Variants in CAMKMT observed in about 807,000 individuals in gnomAD.
CAMKMT encodes the protein calmodulin-lysine N-methyltransferase, also known as CaM KMT.
In CAMKMT, 53 loss-of-function variants were observed where a neutral mutation model predicts 48.0. The observed-to-expected ratio is 1.10, with a 90% CI of 0.89 to 1.39. The LOEUF is 1.39. Ranked by LOEUF, CAMKMT falls within the 40% of genes most tolerant of loss-of-function variation. CAMKMT has a pLI of 0.00. For synonymous variants in CAMKMT, 165 were observed against 152.3 expected, an observed-to-expected ratio of 1.08 and a Z score of -0.61; for missense variants, 428 against 402.7, an observed-to-expected ratio of 1.06 and a Z score of -0.54.
At chr2:44,625,995 C>G (rs1672458972) in intron 3 of CAMKMT, among the ~76,000 whole-genome samples, 1 of 151,980 alleles carries the variant, frequency 6.6e-6, no homozygotes, top group African/African-American at 2.4e-5. Flanking sequence ...ATTTTAGGTC[C>G]TTTGTATTTC....
intron 3 of CAMKMT, among the ~76,000 whole-genome samples, chr2:44,522,436 T>A (rs961266152): frequency 6.6e-6 from 1 of 152,208 alleles, no homozygotes; most frequent in Non-Finnish European, 1.5e-5. Context: ...TAATAAGCAC[T>A]TCTCTCTCTT....
chr2:44,534,936 A>T (rs1292783210), intron 3 of CAMKMT, among the ~76,000 whole-genome samples: 1 of 152,120 alleles, frequency 6.6e-6, no homozygotes, highest in Non-Finnish European at 1.5e-5. Flanking sequence ...GATCAGTGAA[A>T]TGAAAAGTTG....
At chr2:44,363,782 C>G (rs1226341088) in intron 1 of CAMKMT, among the ~76,000 whole-genome samples, 1 of 151,290 alleles carries the variant, frequency 6.6e-6, no homozygotes, top group East Asian at 1.9e-4. Flanking sequence ...CTCCGCCTCC[C>G]TGGTTCAAGC....
At chr2:44,542,537 ACT>A (rs796094902) in intron 3 of CAMKMT, among the ~76,000 whole-genome samples, 3,658 of 67,626 alleles carry the variant, frequency 0.054, 76 homozygotes, top group Middle Eastern at 0.14. Context: ...ACACACACAC[ACT>A]CTCTCTCTCT....
chr2:44,468,377 G>C (rs1434449450), intron 3 of CAMKMT, among the ~76,000 whole-genome samples: 2 of 152,168 alleles, frequency 1.3e-5, no homozygotes, highest in Non-Finnish European at 2.9e-5. Context: ...ATACAGAGAA[G>C]GGGGAGCTCA....
intron 2 of CAMKMT, among the ~76,000 whole-genome samples, chr2:44,384,414 C>T (rs555284199): frequency 1.2e-4 from 18 of 151,780 alleles, no homozygotes; most frequent in African/African-American, 2.4e-4. Flanking sequence ...GATTTTCTCC[C>T]ACTCTCTGGG....
intron 3 of CAMKMT, among the ~76,000 whole-genome samples, chr2:44,481,936 A>G (rs1181614056): frequency 1.3e-5 from 2 of 152,124 alleles, no homozygotes; most frequent in Non-Finnish European, 2.9e-5. Flanking sequence ...CTTGTAATTA[A>G]AAATTCTGTT....
chr2:44,513,969 G>A (rs981250766), intron 3 of CAMKMT, among the ~76,000 whole-genome samples: 1 of 152,000 alleles, frequency 6.6e-6, no homozygotes. Context: ...AGGCATGGTA[G>A]TGCATGCCTG....
chr2:44,676,851 A>C (rs901962810), intron 3 of CAMKMT: 7 of 152,318 alleles, frequency 4.6e-5, no homozygotes, highest in African/African-American at 1.7e-4. Flanking sequence ...ATGCTAAGTA[A>C]ATGGTTATTT....
chr2:44,631,066 C>A (rs1360624667), intron 3 of CAMKMT, among the ~76,000 whole-genome samples: 2 of 152,124 alleles, frequency 1.3e-5, no homozygotes, highest in African/African-American at 4.8e-5. Flanking sequence ...ACTATGCAGC[C>A]ATAAAAAATG....
At chr2:44,531,691 A>G (rs773679753) in intron 3 of CAMKMT, among the ~76,000 whole-genome samples, 8 of 152,156 alleles carry the variant, frequency 5.3e-5, no homozygotes, top group Non-Finnish European at 8.8e-5. Flanking sequence ...TCTCTGTGGT[A>G]CAAATCTGCA....
At chr2:44,532,974 G>T (rs576414491) in intron 3 of CAMKMT, among the ~76,000 whole-genome samples, 3 of 150,244 alleles carry the variant, frequency 2.0e-5, no homozygotes, top group African/African-American at 7.3e-5. Flanking sequence ...CACCACACCC[G>T]GCTAATTTTT....
intron 3 of CAMKMT, among the ~76,000 whole-genome samples, chr2:44,549,128 CT>C (rs1313132305): frequency 6.6e-6 from 1 of 152,024 alleles, no homozygotes; most frequent in African/African-American, 2.4e-5. Flanking sequence ...ATGTCTCTTT[CT>C]GGTACATCGG....
intron 3 of CAMKMT, among the ~76,000 whole-genome samples, chr2:44,681,301 T>A (rs1467606597): frequency 1.3e-5 from 2 of 152,214 alleles, no homozygotes; most frequent in Non-Finnish European, 2.9e-5. Flanking sequence ...GGCCTTGTTT[T>A]AAGTCTGCTC....
At chr2:44,549,475 A>T in intron 3 of CAMKMT, 1 of 679,174 alleles carries the variant, frequency 1.5e-6, no homozygotes, top group Non-Finnish European at 2.6e-6. Flanking sequence ...GTCACTTGCC[A>T]CAATGTCTTG....
At chr2:44,661,465 G>A (rs1450862657) in intron 3 of CAMKMT, among the ~76,000 whole-genome samples, 3 of 152,006 alleles carry the variant, frequency 2.0e-5, no homozygotes, top group South Asian at 2.1e-4. Flanking sequence ...ACAGGCACTC[G>A]TCATTATGCC....
In CAMKMT at chr2:44,456,687, A is replaced by G. The variant is rs1667581382; in HGVS notation, c.376+66382A>G. 15 of 1,343,508 alleles carry G rather than the reference A, an allele frequency of 1.1e-5. No individual in the cohort carries two copies. The South Asian group carries it at 2.1e-4, about 19-fold the overall frequency. The allele number at this position is 1,343,508 out of a possible 1,614,324, so 83.2% of individuals were successfully genotyped here. On this transcript the variant is annotated intron_variant, in intron 3 of 10. Coordinates refer to ENST00000378494, the MANE Select transcript of CAMKMT (RefSeq NM_024766.5). The stretch of plus-strand genomic sequence containing the variant: ...TAAGAAAAGATGTTTTGGCCAAGGC[A>G]TCCTACCTCTGCTTGTCTTCATGAT...
chr2:44,440,415 A>G (rs1156487155), intron 3 of CAMKMT, among the ~76,000 whole-genome samples: 2 of 152,192 alleles, frequency 1.3e-5, no homozygotes, highest in Admixed American at 6.5e-5. Flanking sequence ...GTAAATGTCA[A>G]TGCTGGCATT....
At chr2:44,520,314 A>G (rs1367981821) in intron 3 of CAMKMT, among the ~76,000 whole-genome samples, 1 of 152,074 alleles carries the variant, frequency 6.6e-6, no homozygotes, top group East Asian at 1.9e-4. Context: ...GTCTAGAACT[A>G]CTACCCTCGA....
Sources: allele counts gnomAD v4.1 joint callset (sites outside exome capture counted in the v4.1 genomes callset), GRCh38; gene constraint gnomAD v4.1.1; transcripts MANE v1.5; gene names NCBI Gene and HGNC (gene_info 2026-07-23, HGNC 2026-07-21).